NEDD4L: variants seen among roughly 807,000 people sequenced by gnomAD.
NEDD4L encodes the protein NEDD4 like E3 ubiquitin protein ligase.
NEDD4L carries 54 observed loss-of-function variants against 148.9 expected under a neutral mutation model. The ratio of observed to expected loss-of-function variants is 0.36; its 90% confidence interval spans 0.29 to 0.45. NEDD4L has a LOEUF of 0.45. NEDD4L is among the 20% of genes least tolerant of loss of function. The probability of loss-of-function intolerance (pLI) is 1.00; values close to 1 mark genes in which losing one functional copy is unlikely to be tolerated. For missense variants in NEDD4L, 856 were observed against 1,233.8 expected, an observed-to-expected ratio of 0.69 and a Z score of 4.59; for synonymous variants, 433 against 440.7, an observed-to-expected ratio of 0.98 and a Z score of 0.22.
At chr18:58,249,479 A>G (rs1402804509) in intron 4 of NEDD4L, among the ~76,000 whole-genome samples, 3 of 152,226 alleles carry the variant, frequency 2.0e-5, no homozygotes, top group African/African-American at 4.8e-5. Context: ...TAGAATAGCT[A>G]TATGTCGAAA....
At chr18:58,169,681 C>T (rs567751096) in intron 2 of NEDD4L, among the ~76,000 whole-genome samples, 3 of 152,386 alleles carry the variant, frequency 2.0e-5, no homozygotes, top group African/African-American at 7.2e-5. Flanking sequence ...GCGGCCACAG[C>T]TCACCCTTGT....
intron 5 of NEDD4L, among the ~76,000 whole-genome samples, chr18:58,278,690 A>G (rs1382630570): frequency 6.6e-6 from 1 of 151,946 alleles, no homozygotes; most frequent in South Asian, 2.1e-4. Flanking sequence ...TCCCTCATGT[A>G]CAGGCCTTCA....
intron 5 of NEDD4L, among the ~76,000 whole-genome samples, chr18:58,275,761 G>A (rs1319835945): frequency 2.0e-5 from 3 of 151,532 alleles, no homozygotes; most frequent in Non-Finnish European, 2.9e-5. Flanking sequence ...GTGGGTCGGA[G>A]GCATTTCAAT....
chr18:58,256,161 T>C lies in NEDD4L; in HGVS notation c.297+4107T>C. The C allele has an allele frequency of 8.2e-7, 1 of 1,219,136 alleles. No homozygotes were observed. Among genetic ancestry groups the C allele is most frequent in the Non-Finnish European group, 1.0e-6 (1 of 980,084 alleles). The allele number at this position is 1,219,136 out of a possible 1,614,324, so 75.5% of individuals were successfully genotyped here. On this transcript the variant is annotated intron_variant, in intron 5 of 30. Coordinates refer to ENST00000400345, the MANE Select transcript of NEDD4L (RefSeq NM_001144967.3). The surrounding 1 kb of genome is among the most constrained non-coding windows in gnomAD (Gnocchi z 5.2). Reference sequence around the variant, plus strand: ...GTCAACGGCACGTGCGGCCGCCGCGTGCGGTGCTCCGGCCCCGTGGACTGC... The same window carrying C: ...GTCAACGGCACGTGCGGCCGCCGCGCGCGGTGCTCCGGCCCCGTGGACTGC...
At chr18:58,357,118 C>T in intron 18 of NEDD4L, 76 bp from the exon 19 acceptor site, 2 of 1,333,410 alleles carry the variant, frequency 1.5e-6, no homozygotes, top group Non-Finnish European at 2.1e-6. Flanking sequence ...GAAATACTTC[C>T]TTCCAAAACT....
chr18:58,244,482 A>G (rs113835228), intron 2 of NEDD4L, among the ~76,000 whole-genome samples: 2 of 152,326 alleles, frequency 1.3e-5, no homozygotes, highest in Non-Finnish European at 2.9e-5. Flanking sequence ...CCTTTGAAAT[A>G]TACATCTTGC....
chr18:58,074,141 C>T (rs572587384), intron 1 of NEDD4L, among the ~76,000 whole-genome samples: 1 of 152,222 alleles, frequency 6.6e-6, no homozygotes, highest in East Asian at 1.9e-4. Flanking sequence ...AGCTGTAGGG[C>T]CACACTCATC....
At chr18:58,305,532 C>G (rs2056959498) in intron 5 of NEDD4L, among the ~76,000 whole-genome samples, 1 of 152,184 alleles carries the variant, frequency 6.6e-6, no homozygotes, top group Admixed American at 6.5e-5. Flanking sequence ...TGGTGTTACT[C>G]TGTCATAAAG....
intron 5 of NEDD4L, among the ~76,000 whole-genome samples, chr18:58,277,300 A>C (rs62096361): frequency 0.4 from 60,371 of 151,852 alleles, 12,142 homozygotes; most frequent in Middle Eastern, 0.46. Context: ...AATAGAGGAT[A>C]GTAATCCTAG....
chr18:58,270,895 T>C (rs1210583544), intron 5 of NEDD4L, among the ~76,000 whole-genome samples: 1 of 152,026 alleles, frequency 6.6e-6, no homozygotes, highest in African/African-American at 2.4e-5. Context: ...GTAGTTACCT[T>C]TTTAATAATG....
At chr18:58,259,265 G>A (rs1297209384) in intron 5 of NEDD4L, among the ~76,000 whole-genome samples, 1 of 152,210 alleles carries the variant, frequency 6.6e-6, no homozygotes. Context: ...AAACCCTTGT[G>A]ATGATAAGTT....
rs531719577 is a variant in NEDD4L at position 58,335,569 on chromosome 18, A to G, written c.1125+32A>G. On this transcript the variant is annotated intron_variant, in intron 13 of 30. Transcript: ENST00000400345. Reference sequence around the variant, plus strand: ...ATCCACTTTATCAGACATCAATAGCAAGAGGCCGTGAGGCAGTTTTAATAT... The same window carrying G: ...ATCCACTTTATCAGACATCAATAGCGAGAGGCCGTGAGGCAGTTTTAATAT... 67 of 1,545,878 alleles carry G rather than the reference A, an allele frequency of 4.3e-5. No individual in the cohort carries two copies. The East Asian group carries it at 1.1e-3, about 25-fold the overall frequency.
intron 1 of NEDD4L, among the ~76,000 whole-genome samples, chr18:58,089,856 T>C (rs1016429453): frequency 1.1e-4 from 17 of 151,662 alleles, no homozygotes; most frequent in Admixed American, 2.0e-4. Flanking sequence ...TTTTTTTTTT[T>C]TGAGACAGAG....
intron 2 of NEDD4L, among the ~76,000 whole-genome samples, chr18:58,226,052 C>A (rs1029016904): frequency 6.6e-6 from 1 of 152,124 alleles, no homozygotes; most frequent in Admixed American, 6.5e-5. Flanking sequence ...TTAGAAACAT[C>A]ATTATCATAG....
intron 2 of NEDD4L, among the ~76,000 whole-genome samples, chr18:58,231,237 C>CA (rs67220469): frequency 0.034 from 3,024 of 89,692 alleles, 68 homozygotes; most frequent in African/African-American, 0.077. Context: ...GACCCTATCT[C>CA]AAAAAAAAAA....
chr18:58,264,028 A>G (rs913150851), intron 5 of NEDD4L, among the ~76,000 whole-genome samples: 3 of 152,038 alleles, frequency 2.0e-5, no homozygotes, highest in Non-Finnish European at 2.9e-5. Context: ...GTTCCATAGG[A>G]CCTTACTGAT....
At chr18:58,221,292 G>C (rs1261700071) in intron 2 of NEDD4L, among the ~76,000 whole-genome samples, 3 of 150,080 alleles carry the variant, frequency 2.0e-5, no homozygotes, top group Non-Finnish European at 4.4e-5. Context: ...GCCAGACATA[G>C]AGTCATCCAC....
At position 58,337,583 on chromosome 18, in the gene NEDD4L, T is replaced by A. The variant is rs141645686; in HGVS notation, c.1125+2046T>A. On this transcript the variant is annotated intron_variant, in intron 13 of 30. Transcript: ENST00000400345. ...TTGTGCCACTTTATTTTATTTTTTT[T>A]AAATGGGATGTCATGTATACATTAC... Among the ~76,000 whole-genome samples the A allele has an allele frequency of 2.6e-3, 396 of 152,308 alleles. 3 individuals are homozygous for A. Among genetic ancestry groups the A allele is most frequent in the African/African-American group, 9.1e-3 (378 of 41,564 alleles).
intron 2 of NEDD4L, among the ~76,000 whole-genome samples, chr18:58,175,186 G>C (rs546203217): frequency 2.0e-5 from 3 of 152,340 alleles, no homozygotes; most frequent in South Asian, 4.1e-4. Flanking sequence ...AGATTTCCAG[G>C]TTTCTGGAAG....
Sources: gnomAD v4.1 joint callset for allele counts (sites outside exome capture counted in the v4.1 genomes callset) on GRCh38, gnomAD v4.1.1 for gene constraint, Gnocchi (gnomAD v3.1) non-coding constraint, MANE v1.5 for transcripts, NCBI Gene and HGNC (gene_info 2026-07-23, HGNC 2026-07-21) for gene names.